Variants in SLC7A1 observed in about 807,000 individuals in gnomAD.
SLC7A1 encodes the protein high affinity cationic amino acid transporter 1.
In SLC7A1, 10 loss-of-function variants were observed where a neutral mutation model predicts 53.9. The observed-to-expected ratio is 0.19, with a 90% CI of 0.11 to 0.31. SLC7A1 has a LOEUF of 0.31. Among genes scored for constraint, SLC7A1 ranks in the 10% least tolerant of loss-of-function variants. The probability of loss-of-function intolerance (pLI) is 1.00; values close to 1 mark genes in which losing one functional copy is unlikely to be tolerated. For synonymous variants in SLC7A1, 342 were observed against 338.7 expected (o/e 1.01, Z -0.11); for missense variants, 525 against 827.2 (o/e 0.63, Z 4.48).
At chr13:29,534,239 G>A (rs1869304938) in intron 3 of SLC7A1, among the ~76,000 whole-genome samples, 1 of 152,320 alleles carries the variant, frequency 6.6e-6, no homozygotes, top group South Asian at 2.1e-4. Flanking sequence ...AGCTAAGGCT[G>A]AGAACACATT....
chr13:29,538,477 A>G (rs1348531491), intron 2 of SLC7A1, among the ~76,000 whole-genome samples: 2 of 152,208 alleles, frequency 1.3e-5, no homozygotes, highest in Non-Finnish European at 2.9e-5. Flanking sequence ...ATGCCAGAGC[A>G]GTTCTGAGGT....
intron 2 of SLC7A1, among the ~76,000 whole-genome samples, chr13:29,537,971 C>G (rs1197008285): frequency 6.6e-6 from 1 of 152,240 alleles, no homozygotes; most frequent in Non-Finnish European, 1.5e-5. Context: ...CCTCCCCACA[C>G]TGCAGCTCAG....
At chr13:29,528,473 C>T (rs975465373) in intron 5 of SLC7A1, among the ~76,000 whole-genome samples, 4 of 152,192 alleles carry the variant, frequency 2.6e-5, no homozygotes, top group African/African-American at 9.7e-5. Context: ...CCTAAAATCA[C>T]AAACCCATGT....
Position 29,516,343 on chromosome 13 carries a change from A to G in SLC7A1, c.1678-97T>C, listed in dbSNP as rs566333947. On this transcript the variant is annotated intron_variant, in intron 11 of 12. Transcript: ENST00000380752. ...TAAAGGCAGCACAACTGAGAGTGACAGGGACCGTCGGGCGAGTGTGGGGAA... is the reference window on the plus strand; with the variant it reads ...TAAAGGCAGCACAACTGAGAGTGACGGGGACCGTCGGGCGAGTGTGGGGAA... The G allele has an allele frequency of 6.4e-5, 50 of 782,692 alleles. No homozygotes were observed. The East Asian group carries it at 1.1e-3, about 17-fold the overall frequency. 48.5% of individuals were successfully genotyped at this position (782,692 alleles called of 1,614,324 possible). A position where few individuals can be genotyped will look rare whatever the true frequency, so the allele number is the denominator to read the frequency against.
At chr13:29,516,105 G>A in intron 12 of SLC7A1, 33 bp downstream of exon 12, 5 of 1,389,276 alleles carry the variant, frequency 3.6e-6, no homozygotes, top group Non-Finnish European at 4.1e-6. Context: ...GGGAAGCCAG[G>A]ATCTTGGACG....
At chr13:29,549,023 G>A (rs1870054897) in intron 2 of SLC7A1, among the ~76,000 whole-genome samples, 1 of 152,208 alleles carries the variant, frequency 6.6e-6, no homozygotes, top group South Asian at 2.1e-4. Flanking sequence ...TGAAAGGAAT[G>A]TCACAGCCTC....
intron 9 of SLC7A1, 120 bp downstream of exon 9, chr13:29,519,326 TC>T (rs2139072666): frequency 1.7e-6 from 1 of 602,620 alleles, no homozygotes; most frequent in African/African-American, 1.9e-5. Context: ...CCTTGGCAGC[TC>T]CCAATGGAGC....
At chr13:29,521,504 C>A (rs1022544442) in intron 8 of SLC7A1, among the ~76,000 whole-genome samples, 22 of 152,332 alleles carry the variant, frequency 1.4e-4, no homozygotes, top group African/African-American at 5.3e-4. Context: ...CCTCGCTTCA[C>A]CTCCCTGGGC....
chr13:29,523,783 A>C (rs1354976240), intron 6 of SLC7A1, among the ~76,000 whole-genome samples: 1 of 152,220 alleles, frequency 6.6e-6, no homozygotes, highest in African/African-American at 2.4e-5. Flanking sequence ...TGGGAGGCTC[A>C]CTGAAGCCTG....
chr13:29,568,791 T>C (rs898167683), intron 1 of SLC7A1, among the ~76,000 whole-genome samples: 32 of 152,348 alleles, frequency 2.1e-4, no homozygotes, highest in Admixed American at 1.5e-3. Flanking sequence ...GCCTAAAATA[T>C]GTGCTACCTG....
At chr13:29,557,451 G>A (rs1034051159) in intron 1 of SLC7A1, among the ~76,000 whole-genome samples, 7 of 152,128 alleles carry the variant, frequency 4.6e-5, no homozygotes, top group African/African-American at 7.2e-5. Flanking sequence ...GCATGGGATA[G>A]CCTTGGCTCC....
intron 11 of SLC7A1, among the ~76,000 whole-genome samples, chr13:29,516,613 AT>A (rs1212302426): frequency 6.6e-6 from 1 of 152,246 alleles, no homozygotes; most frequent in Non-Finnish European, 1.5e-5. Flanking sequence ...TAATCTAAAA[AT>A]GCAGAAGCCT....
rs1257377143 is a variant in SLC7A1 at position 29,572,650 on chromosome 13, G to A, written c.-114-18790C>T. ...GAATCTGAGCTGAGGGTGGCCCTCA[G>A]TAAGGCACTGTGGCCCTACCGCTCT... On this transcript the variant is annotated intron_variant, in intron 1 of 12. Transcript: ENST00000380752. 2.0e-5 allele frequency among the ~76,000 whole-genome samples: 3 copies of A among 152,236 alleles called. No individual in the cohort carries two copies. In the East Asian group the frequency reaches 5.8e-4, roughly 29 times the overall value.
chr13:29,535,827 T>C lies in SLC7A1; in HGVS notation c.362A>G (p.Tyr121Cys). 1 of 1,613,584 alleles carries C rather than the reference T, an allele frequency of 6.2e-7. No individual in the cohort carries two copies. The highest frequency in any genetic ancestry group is 8.5e-7 in the Non-Finnish European group (1 of 1,179,564). ...GGACCCCTGGGACCTACCGATGATGTAGGAGAGGATTAAGTTCCAGCCGGT... is the reference window on the plus strand; with the variant it reads ...GGACCCCTGGGACCTACCGATGATGCAGGAGAGGATTAAGTTCCAGCCGGT... Reference protein sequence around the residue: ...FITGWNLILSYIIGTSSVARA... With the variant: ...FITGWNLILSCIIGTSSVARA... Residue 121 changes from tyrosine to cysteine, a missense_variant, in exon 3 of 13, where the codon TAC becomes TGC. Transcript: ENST00000380752.
At position 29,526,543 on chromosome 13, in the gene SLC7A1, G is replaced by A. The variant is rs140517828; in HGVS notation, c.705-2290C>T. Among the ~76,000 whole-genome samples, 332 of 152,258 alleles carry A rather than the reference G, an allele frequency of 2.2e-3. 2 individuals carry two copies. Among genetic ancestry groups the A allele is most frequent in the African/African-American group, 7.9e-3 (327 of 41,536 alleles). The stretch of plus-strand genomic sequence containing the variant: ...TAAATAAATAAATGAATGCTATCAT[G>A]GATAGATGAGCTTTAGGCAACCATG... On this transcript the variant is annotated intron_variant, in intron 5 of 12. Coordinates refer to ENST00000380752, the MANE Select transcript of SLC7A1 (RefSeq NM_003045.5).
At chr13:29,540,140 C>T (rs1473916168) in intron 2 of SLC7A1, among the ~76,000 whole-genome samples, 1 of 152,196 alleles carries the variant, frequency 6.6e-6, no homozygotes. Flanking sequence ...GCTAACCATT[C>T]CAACCCCAGC....
rs1324753042 is a variant in SLC7A1 at position 29,514,049 on chromosome 13, G to T, written c.*431C>A. On this transcript the variant is annotated 3_prime_UTR_variant, in exon 13 of 13. Coordinates refer to ENST00000380752, the MANE Select transcript of SLC7A1 (RefSeq NM_003045.5). ...TCTGGCTTGATTGCTGGGTGTCTGG[G>T]GCTGAGCGGGAAGATGGCTGCGAAA... The T allele has an allele frequency of 2.8e-5, 5 of 179,634 alleles. No homozygotes were observed. Among genetic ancestry groups the T allele is most frequent in the African/African-American group, 1.2e-4 (5 of 42,522 alleles). The allele number at this position is 179,634 out of a possible 1,614,324, so 11.1% of individuals were successfully genotyped here. A position where few individuals can be genotyped will look rare whatever the true frequency, so the allele number is the denominator to read the frequency against.
At chr13:29,562,715 C>T (rs886771846) in intron 1 of SLC7A1, among the ~76,000 whole-genome samples, 2 of 152,158 alleles carry the variant, frequency 1.3e-5, no homozygotes, top group Non-Finnish European at 2.9e-5. Context: ...GGAACCTATA[C>T]CAGTTCCTGT....
At chr13:29,585,310 G>A (rs890935186) in intron 1 of SLC7A1, among the ~76,000 whole-genome samples, 4 of 152,288 alleles carry the variant, frequency 2.6e-5, no homozygotes, top group Non-Finnish European at 4.4e-5. Flanking sequence ...AGGACAATGT[G>A]GTGGAGTTGC....
Sources: allele counts gnomAD v4.1 joint callset (sites outside exome capture counted in the v4.1 genomes callset), GRCh38; gene constraint gnomAD v4.1.1; transcripts MANE v1.5; gene names NCBI Gene and HGNC (gene_info 2026-07-23, HGNC 2026-07-21).